Variants in TSHZ3 observed in about 807,000 individuals in gnomAD.
The protein encoded by TSHZ3 is teashirt homolog 3.
In TSHZ3, 10 loss-of-function variants were observed where a neutral mutation model predicts 64.5. That is an observed-to-expected ratio of 0.16 (90% confidence interval 0.10 to 0.26). TSHZ3 has a LOEUF of 0.26. TSHZ3 is among the 10% of genes least tolerant of loss of function. The probability of loss-of-function intolerance (pLI) is 1.00; values close to 1 mark genes in which losing one functional copy is unlikely to be tolerated. For synonymous variants in TSHZ3, 608 were observed against 593.1 expected, an observed-to-expected ratio of 1.03 and a Z score of -0.36; for missense variants, 1,242 against 1,421.7, an observed-to-expected ratio of 0.87 and a Z score of 2.03.
chr19:31,213,342 GCGAGACT>G (rs1031228164), intron 4 of TSHZ3, among the ~76,000 whole-genome samples: 1 of 100,652 alleles, frequency 9.9e-6, no homozygotes, highest in African/African-American at 4.2e-5. Context: ...GAGCAACAGA[GCGAGACT>G]CTGTCTCAAA....
At chr19:31,157,128 G>C (rs999975442) in intron 5 of TSHZ3, among the ~76,000 whole-genome samples, 1 of 152,136 alleles carries the variant, frequency 6.6e-6, no homozygotes. Context: ...TTAACTTAAA[G>C]AAACTCTTTG....
At chr19:31,164,021 G>A (rs1322920180) in intron 5 of TSHZ3, among the ~76,000 whole-genome samples, 2 of 152,190 alleles carry the variant, frequency 1.3e-5, no homozygotes, top group African/African-American at 4.8e-5. Flanking sequence ...TCCCCAAGTT[G>A]GTGCTTACAG....
intron 1 of TSHZ3, among the ~76,000 whole-genome samples, chr19:31,323,863 AACACACACACACACACACAC>A (rs58051976): frequency 1.6e-3 from 190 of 122,328 alleles, no homozygotes; most frequent in African/African-American, 3.3e-3. Flanking sequence ...CCTGGCCTCC[AACACACACACACACACACAC>A]ACACACACAC....
In TSHZ3 at chr19:31,324,603, C is replaced by T. The variant is rs536598106; in HGVS notation, c.40+24577G>A. Among the ~76,000 whole-genome samples, 5 of 152,308 alleles carry T rather than the reference C, an allele frequency of 3.3e-5. No individual in the cohort carries two copies. In the South Asian group the frequency reaches 8.3e-4, roughly 25 times the overall value. The stretch of plus-strand genomic sequence containing the variant: ...GGGTTTTAGGTTTGGAGGCCTATGG[C>T]CTCTGGTATATGGAACTTCCCTGAA... On this transcript the variant is annotated intron_variant, in intron 1 of 1. Transcript: ENST00000240587.
intron 1 of TSHZ3, among the ~76,000 whole-genome samples, chr19:31,347,338 G>A (rs184545799): frequency 7.4e-4 from 113 of 152,216 alleles, no homozygotes; most frequent in African/African-American, 2.6e-3. Flanking sequence ...CAGATTGGCA[G>A]GGTGCAACCG....
In TSHZ3 at chr19:31,277,762, C is replaced by G. The variant is rs756307338; in HGVS notation, c.2031G>C (p.Gly677=). The change falls in exon 2 of 2, where the codon GGG becomes GGC. Residue 677 remains glycine, a synonymous_variant. Coordinates refer to ENST00000240587, the MANE Select transcript of TSHZ3 (RefSeq NM_020856.4). The surrounding 1 kb of genome is among the most constrained non-coding windows in gnomAD (Gnocchi z 4.5). The part of the protein sequence containing the change: ...QENSPSPPRD[G]CKDGSPLAEP... Reference sequence around the variant, plus strand: ...CAGCGAGGGGGCTCCCATCCTTGCACCCATCCCGCGGGGGGCTGGGGCTGT... The same window carrying G: ...CAGCGAGGGGGCTCCCATCCTTGCAGCCATCCCGCGGGGGGCTGGGGCTGT... 6.5e-7 allele frequency: 1 copy of G among 1,529,092 alleles called. No individual in the cohort carries two copies. The highest frequency in any genetic ancestry group is 8.8e-7 in the Non-Finnish European group (1 of 1,141,724). The allele number at this position is 1,529,092 out of a possible 1,614,324, so 94.7% of individuals were successfully genotyped here.
intron 3 of TSHZ3, among the ~76,000 whole-genome samples, chr19:31,237,778 C>A (rs1355499704): frequency 6.6e-6 from 1 of 152,144 alleles, no homozygotes; most frequent in Non-Finnish European, 1.5e-5. Context: ...ACACTGCACC[C>A]AACAAAGTTT....
rs376027552 is a variant in TSHZ3, at chr19:31,211,348, G to C, written n.687-6270C>G. Among the ~76,000 whole-genome samples the C allele has an allele frequency of 2.0e-5, 3 of 152,222 alleles. No homozygotes were observed. In the East Asian group the frequency reaches 5.8e-4, roughly 29 times the overall value. ...AGGTTGCAGAGATGAGGGAGGGGTA[G>C]ATTTCCAGCCCTCAAGCAACTCATA... is the stretch of plus-strand genomic sequence containing the variant. On this transcript the variant is annotated intron_variant and non_coding_transcript_variant, in intron 4 of 6. Transcript: ENST00000651361.
At chr19:31,346,229 C>A (rs757090283) in intron 1 of TSHZ3, among the ~76,000 whole-genome samples, 12 of 152,148 alleles carry the variant, frequency 7.9e-5, no homozygotes, top group Non-Finnish European at 1.0e-4. Flanking sequence ...CAGCTCTTGG[C>A]CTTTTGTGGT....
chr19:31,349,994 G>A (rs1326820207), upstream of TSHZ3, among the ~76,000 whole-genome samples: 6 of 137,668 alleles, frequency 4.4e-5, no homozygotes, highest in Non-Finnish European at 9.4e-5. Flanking sequence ...GCGCACACGC[G>A]GGGGCGCGGC....
chr19:31,325,614 T>C (rs2145173782), intron 1 of TSHZ3, among the ~76,000 whole-genome samples: 1 of 152,314 alleles, frequency 6.6e-6, no homozygotes, highest in South Asian at 2.1e-4. Context: ...GAGAACAGTT[T>C]GGATATTTAT....
At chr19:31,203,480 T>G (rs1334512984) in intron 5 of TSHZ3, among the ~76,000 whole-genome samples, 1 of 151,850 alleles carries the variant, frequency 6.6e-6, no homozygotes, top group African/African-American at 2.4e-5. Context: ...AAACAGACTG[T>G]AGGGCACAAG....
chr19:31,328,809 A>G (rs1468297773), intron 1 of TSHZ3, among the ~76,000 whole-genome samples: 1 of 152,226 alleles, frequency 6.6e-6, no homozygotes, highest in Non-Finnish European at 1.5e-5. Flanking sequence ...AACACAATTT[A>G]AGATTAAAGA....
At chr19:31,218,211 A>G (rs1389222731) in intron 4 of TSHZ3, among the ~76,000 whole-genome samples, 1 of 152,258 alleles carries the variant, frequency 6.6e-6, no homozygotes, top group Admixed American at 6.5e-5. Flanking sequence ...ATCACAGAAT[A>G]AACAATCCAG....
chr19:31,240,690 G>T (rs183371353), intron 3 of TSHZ3, among the ~76,000 whole-genome samples: 1 of 151,890 alleles, frequency 6.6e-6, no homozygotes, highest in African/African-American at 2.4e-5. Context: ...AGGTCCATAA[G>T]GTTCTGTTTA....
chr19:31,294,355 C>G (rs996888356), intron 1 of TSHZ3, among the ~76,000 whole-genome samples: 2 of 151,718 alleles, frequency 1.3e-5, no homozygotes. Context: ...CCAACACTCA[C>G]CTAGCACTCA....
At chr19:31,257,954 C>A (rs930235657) in intron 1 of TSHZ3, among the ~76,000 whole-genome samples, 1 of 152,110 alleles carries the variant, frequency 6.6e-6, no homozygotes, top group Non-Finnish European at 1.5e-5. Flanking sequence ...CATTCCAGGG[C>A]AAGTAACTGA....
At chr19:31,171,811 T>G (rs1359567790) in intron 5 of TSHZ3, among the ~76,000 whole-genome samples, 1 of 152,072 alleles carries the variant, frequency 6.6e-6, no homozygotes. Flanking sequence ...GAGAAGGCCT[T>G]CCATCAGAGC....
At chr19:31,334,344 CA>C (rs1917180860) in intron 1 of TSHZ3, among the ~76,000 whole-genome samples, 1 of 152,216 alleles carries the variant, frequency 6.6e-6, no homozygotes, top group African/African-American at 2.4e-5. Context: ...GGGAACATTT[CA>C]CCACATGAAA....
Sources: allele counts gnomAD v4.1 joint callset (sites outside exome capture counted in the v4.1 genomes callset), GRCh38; gene constraint gnomAD v4.1.1; non-coding constraint Gnocchi (gnomAD v3.1); transcripts MANE v1.5; gene names NCBI Gene and HGNC (gene_info 2026-07-23, HGNC 2026-07-21).